The following PPFIA2 variants were observed in gnomAD, a reference collection of about 807,000 sequenced individuals.
PPFIA2 encodes liprin-alpha-2.
PPFIA2 carries 46 observed loss-of-function variants against 175.5 expected under a neutral mutation model. The ratio of observed to expected loss-of-function variants is 0.26; its 90% CI spans 0.21 to 0.34. The LOEUF is 0.34. Among genes scored for constraint, PPFIA2 ranks in the 10% least tolerant of loss-of-function variants. The probability of loss-of-function intolerance (pLI) is 1.00; values close to 1 mark genes in which losing one functional copy is unlikely to be tolerated. For synonymous variants in PPFIA2, 568 were observed against 511.4 expected (o/e 1.11, Z -1.49); for missense variants, 1,179 against 1,506.1 (o/e 0.78, Z 3.60).
In PPFIA2 at chr12:81,358,144, T is replaced by C; in HGVS notation, c.1711A>G (p.Thr571Ala). 2 of 1,601,242 alleles carry C rather than the reference T, an allele frequency of 1.2e-6. No individual in the cohort carries two copies. The highest frequency in any genetic ancestry group is 1.7e-6 in the Non-Finnish European group (2 of 1,173,354). The change falls in exon 16 of 33, where the codon ACA becomes GCA. Residue 571 changes from threonine (T) to alanine (A), a missense_variant. Thr to Ala is a moderately conservative substitution (Grantham distance 58). Coordinates refer to ENST00000549396, the MANE Select transcript of PPFIA2 (RefSeq NM_003625.5). The stretch of plus-strand genomic sequence containing the variant: ...CTTGGTCTTCTTATTACTTTAGTTG[T>C]TCTGTAATCAGACTGGCTGTCCACT... ...SLVDSQSDYR[T>A]TKVIRRPRRG...
At chr12:81,494,509 G>A (rs2147174015) in intron 4 of PPFIA2, among the ~76,000 whole-genome samples, 1 of 152,010 alleles carries the variant, frequency 6.6e-6, no homozygotes, top group Non-Finnish European at 1.5e-5. Context: ...CTGTAAACTA[G>A]TTCAACCATT....
At chr12:81,316,230 C>T (rs1042214888) in intron 22 of PPFIA2, among the ~76,000 whole-genome samples, 4 of 151,454 alleles carry the variant, frequency 2.6e-5, no homozygotes, top group African/African-American at 9.7e-5. Flanking sequence ...GAGACAGATA[C>T]ATTTACTTCA....
At chr12:81,603,267 A>T (rs1031823989) in intron 4 of PPFIA2, among the ~76,000 whole-genome samples, 6 of 151,848 alleles carry the variant, frequency 4.0e-5, no homozygotes, top group Admixed American at 1.3e-4. Flanking sequence ...ATTTGTCTCC[A>T]TTCTCTGCAA....
intron 4 of PPFIA2, among the ~76,000 whole-genome samples, chr12:81,587,639 A>G (rs577914589): frequency 6.6e-6 from 1 of 152,248 alleles, no homozygotes; most frequent in Non-Finnish European, 1.5e-5. Flanking sequence ...ACTAGAATTA[A>G]AAGTAAATTT....
chr12:81,757,380 T>C (rs900777204), intron 2 of PPFIA2, among the ~76,000 whole-genome samples: 1 of 152,224 alleles, frequency 6.6e-6, no homozygotes, highest in Non-Finnish European at 1.5e-5. Context: ...CCTTGATATT[T>C]GCTTTTTCAT....
At chr12:81,611,185 G>A (rs914018118) in intron 4 of PPFIA2, among the ~76,000 whole-genome samples, 2 of 152,032 alleles carry the variant, frequency 1.3e-5, no homozygotes, top group Non-Finnish European at 1.5e-5. Context: ...GCTGTGCCTC[G>A]GTTTCTTTTG....
intron 21 of PPFIA2, among the ~76,000 whole-genome samples, chr12:81,328,803 TTTTTTTCTTTCTTTC>T: frequency 7.0e-6 from 1 of 142,600 alleles, no homozygotes; most frequent in East Asian, 2.2e-4. Flanking sequence ...TTCTTTTTTC[TTTTTTTCTTTCTTTC>T]TTTTTTTTTT....
intron 4 of PPFIA2, among the ~76,000 whole-genome samples, chr12:81,573,414 T>G (rs1024321540): frequency 2.0e-5 from 3 of 151,966 alleles, no homozygotes; most frequent in Non-Finnish European, 4.4e-5. Flanking sequence ...ATCGCCATTC[T>G]GGAATGCTAA....
chr12:81,297,627 C>G (rs1027843298), intron 23 of PPFIA2, among the ~76,000 whole-genome samples: 3 of 152,200 alleles, frequency 2.0e-5, no homozygotes, highest in African/African-American at 7.2e-5. Flanking sequence ...TTCAAAATAA[C>G]TAAACATCTA....
At chr12:81,588,259 A>G (rs977321702) in intron 4 of PPFIA2, among the ~76,000 whole-genome samples, 1 of 152,010 alleles carries the variant, frequency 6.6e-6, no homozygotes, top group Non-Finnish European at 1.5e-5. Context: ...GGAGTATCTA[A>G]CTTTAAGTAA....
intron 4 of PPFIA2, among the ~76,000 whole-genome samples, chr12:81,584,535 GT>G (rs2074898660): frequency 6.6e-6 from 1 of 151,358 alleles, no homozygotes; most frequent in East Asian, 1.9e-4. Flanking sequence ...ACTGGCTTGT[GT>G]TCTGAGAAGT....
At chr12:81,564,492 T>C (rs2070880812) in intron 4 of PPFIA2, among the ~76,000 whole-genome samples, 1 of 152,130 alleles carries the variant, frequency 6.6e-6, no homozygotes, top group South Asian at 2.1e-4. Context: ...ATGGAGTTCT[T>C]TTGTTGGTTT....
At chr12:81,565,483 GTCTA>G (rs201522882) in intron 4 of PPFIA2, among the ~76,000 whole-genome samples, 2 of 152,082 alleles carry the variant, frequency 1.3e-5, no homozygotes, top group African/African-American at 2.4e-5. Context: ...ATAAACTCCT[GTCTA>G]TCTATCTACC....
chr12:81,500,995 A>G (rs2060537763), intron 4 of PPFIA2, among the ~76,000 whole-genome samples: 2 of 152,168 alleles, frequency 1.3e-5, no homozygotes, highest in South Asian at 4.1e-4. Flanking sequence ...TCTATTTTCA[A>G]CAGAGTAGCC....
intron 22 of PPFIA2, among the ~76,000 whole-genome samples, chr12:81,323,903 T>C (rs773220451): frequency 7.9e-5 from 12 of 152,046 alleles, no homozygotes; most frequent in Non-Finnish European, 1.5e-4. Context: ...ATAAGGGAAA[T>C]ACTTTTGTGC....
chr12:81,660,170 C>T (rs185652358), intron 4 of PPFIA2, among the ~76,000 whole-genome samples: 11 of 152,290 alleles, frequency 7.2e-5, no homozygotes, highest in Non-Finnish European at 1.0e-4. Flanking sequence ...CGCAGCTCCT[C>T]ACCAGCAACG....
chr12:81,278,540 CAA>C (rs10623632), intron 27 of PPFIA2, among the ~76,000 whole-genome samples: 3 of 136,604 alleles, frequency 2.2e-5, no homozygotes, highest in Non-Finnish European at 1.5e-5. Context: ...ACTCCATCTC[CAA>C]AAAAAAAAAA....
intron 4 of PPFIA2, among the ~76,000 whole-genome samples, chr12:81,664,786 C>A (rs528977685): frequency 6.6e-6 from 1 of 152,166 alleles, no homozygotes; most frequent in East Asian, 1.9e-4. Flanking sequence ...TGGAACCAAC[C>A]CGAATGTCCA....
chr12:81,711,901 G>A (rs1482616518), intron 3 of PPFIA2, among the ~76,000 whole-genome samples: 1 of 149,474 alleles, frequency 6.7e-6, no homozygotes, highest in Non-Finnish European at 1.5e-5. Flanking sequence ...TACTGTAAGT[G>A]CTCAAATAAC....
Sources: gnomAD v4.1 joint callset for allele counts (sites outside exome capture counted in the v4.1 genomes callset) on GRCh38, gnomAD v4.1.1 for gene constraint, MANE v1.5 for transcripts, NCBI Gene and HGNC (gene_info 2026-07-23, HGNC 2026-07-21) for gene names.